The following UBE2Z variants were observed in gnomAD, a reference collection of about 807,000 sequenced individuals.
UBE2Z encodes ubiquitin conjugating enzyme E2 Z.
A neutral mutation model predicts 32.6 loss-of-function variants in UBE2Z; 10 were observed. That is an observed-to-expected ratio of 0.31 (90% CI 0.19 to 0.52). The LOEUF is 0.52. Among genes scored for constraint, UBE2Z ranks in the 20% least tolerant of loss-of-function variants. UBE2Z has a pLI of 0.97. For synonymous variants in UBE2Z, 183 were observed against 190.8 expected, an observed-to-expected ratio of 0.96 and a Z score of 0.34; for missense variants, 343 against 480.9, an observed-to-expected ratio of 0.71 and a Z score of 2.68.
In UBE2Z at chr17:48,908,672, G is replaced by A. The variant is rs1266226196; in HGVS notation, c.169G>A (p.Gly57Ser). The change falls in exon 1 of 7, where the codon GGC (glycine) becomes AGC (serine). Residue 57 changes from glycine (G) to serine (S), a missense_variant. Gly to Ser is a moderately conservative substitution (Grantham distance 56). Coordinates refer to ENST00000360943, the MANE Select transcript of UBE2Z (RefSeq NM_023079.5). ...GGCGGCGGCAGCGGGCGGGGCCGGG[G>A]GCCCGGGGAGCGGCCTGGCTCCGCT... is the stretch of plus-strand genomic sequence containing the variant. ...AAAAAAGGAG[G>S]PGSGLAPLPG... 4.9e-6 allele frequency: 6 copies of A among 1,225,554 alleles called. No individual in the cohort carries two copies. The highest frequency in any genetic ancestry group is 6.1e-6 in the Non-Finnish European group (6 of 983,824). 75.9% of individuals were successfully genotyped at this position (1,225,554 alleles called of 1,614,324 possible).
chr17:48,913,881 T>G (rs2040699957), intron 3 of UBE2Z, among the ~76,000 whole-genome samples: 1 of 151,642 alleles, frequency 6.6e-6, no homozygotes, highest in African/African-American at 2.4e-5. Flanking sequence ...CATTTTTGTT[T>G]TGTTTTGTTT....
chr17:48,908,845 A>G, intron 1 of UBE2Z, 25 bp downstream of exon 1: 1 of 1,456,026 alleles, frequency 6.9e-7, no homozygotes, highest in Non-Finnish European at 9.1e-7. Flanking sequence ...TTCCTCCCCC[A>G]GCCCCGAGCT....
chr17:48,916,226 T>A (rs192389464), intron 4 of UBE2Z, 39 bp downstream of exon 4: 8 of 1,196,844 alleles, frequency 6.7e-6, no homozygotes, highest in African/African-American at 1.6e-5. Context: ...TGTAGACTAT[T>A]GTTTTTGTTT....
intron 4 of UBE2Z, 89 bp from the exon 5 acceptor site, chr17:48,921,071 G>T: frequency 9.7e-7 from 1 of 1,032,102 alleles, no homozygotes; most frequent in Non-Finnish European, 1.5e-6. Flanking sequence ...GTGACTGGCT[G>T]ACATACCCCA....
intron 4 of UBE2Z, among the ~76,000 whole-genome samples, chr17:48,919,140 C>A (rs185040069): frequency 1.5e-3 from 227 of 151,992 alleles, no homozygotes; most frequent in Middle Eastern, 3.4e-3. Flanking sequence ...CACACACCAC[C>A]ACACCCAGCT....
At chr17:48,911,659 C>T (rs2040678616) in intron 2 of UBE2Z, 1 of 151,816 alleles carries the variant, frequency 6.6e-6, no homozygotes, top group African/African-American at 2.4e-5. Flanking sequence ...AATAGATTTC[C>T]CTTCATATTT....
At chr17:48,909,918 G>A (rs2040663576) in intron 1 of UBE2Z, among the ~76,000 whole-genome samples, 1 of 152,172 alleles carries the variant, frequency 6.6e-6, no homozygotes, top group African/African-American at 2.4e-5. Context: ...GCCTGACACA[G>A]GAGGTCAACT....
In UBE2Z at chr17:48,911,134, G is replaced by A. The variant is rs2040673916; in HGVS notation, c.390+254G>A. On this transcript the variant is annotated intron_variant, in intron 2 of 6. Coordinates refer to ENST00000360943, the MANE Select transcript of UBE2Z (RefSeq NM_023079.5). Reference sequence around the variant, plus strand: ...CAGTTCATGTCTGTTGTCGCAGCTTGACTATTTATAGGGCATTCTTTCACT... The same window carrying A: ...CAGTTCATGTCTGTTGTCGCAGCTTAACTATTTATAGGGCATTCTTTCACT... 6.1e-6 allele frequency: 3 copies of A among 488,644 alleles called. No individual in the cohort carries two copies. The South Asian group carries it at 8.0e-5, about 13-fold the overall frequency. The allele number at this position is 488,644 out of a possible 1,614,324, so 30.3% of individuals were successfully genotyped here.
At chr17:48,913,903 G>A (rs1383334879) in intron 3 of UBE2Z, among the ~76,000 whole-genome samples, 1 of 152,074 alleles carries the variant, frequency 6.6e-6, no homozygotes, top group Admixed American at 6.6e-5. Context: ...TTTTTGTTTT[G>A]TTTTGTTTTG....
At chr17:48,916,040 C>G (rs2040717173) in intron 3 of UBE2Z, 36 bp from the exon 4 acceptor site, 5 of 1,478,424 alleles carry the variant, frequency 3.4e-6, no homozygotes, top group Non-Finnish European at 4.6e-6. Context: ...TATTCTTTCT[C>G]TGCCTCACCC....
chr17:48,909,753 C>G (rs1039322003), intron 1 of UBE2Z, among the ~76,000 whole-genome samples: 1 of 152,062 alleles, frequency 6.6e-6, no homozygotes, highest in African/African-American at 2.4e-5. Context: ...AGCTATTAAT[C>G]CTGAAACCTG....
Position 48,916,156 on chromosome 17 carries a change from A to T in UBE2Z, c.659A>T (p.Asn220Ile). The change falls in exon 4 of 7, where the codon AAC (asparagine) becomes ATC (isoleucine). Residue 220 changes from asparagine (N) to isoleucine (I), a missense_variant. This residue lies in a region of UBE2Z where 182 missense variants were observed against 312.4 expected (regional missense o/e 0.58). Transcript: ENST00000360943. The part of the protein sequence containing the change: ...LISIQSLMTE[N>I]PYHNEPGFEQ... Reference sequence around the variant, plus strand: ...TCTATCCAGTCCCTGATGACTGAGAACCCCTATCACAATGAGCCCGGCTTT... The same window carrying T: ...TCTATCCAGTCCCTGATGACTGAGATCCCCTATCACAATGAGCCCGGCTTT... 1 of 1,579,814 alleles carries T rather than the reference A, an allele frequency of 6.3e-7. No homozygotes were observed. The highest frequency in any genetic ancestry group is 1.2e-5 in the South Asian group (1 of 85,684).
intron 4 of UBE2Z, among the ~76,000 whole-genome samples, chr17:48,916,586 T>TGTTTTGTTTTG (rs1555580158): frequency 6.7e-6 from 1 of 148,930 alleles, no homozygotes; most frequent in Non-Finnish European, 1.5e-5. Flanking sequence ...TGGGAGGTTT[T>TGTTTTGTTTTG]TTTTGTTTTG....
At chr17:48,916,238 TTTGG>T in intron 4 of UBE2Z, 51 bp downstream of exon 4, 3 of 1,053,760 alleles carry the variant, frequency 2.8e-6, no homozygotes, top group Non-Finnish European at 4.0e-6. Context: ...TTTTTGTTTG[TTTGG>T]TTGGTTGGTT....
chr17:48,916,774 G>A (rs1462059568), intron 4 of UBE2Z, among the ~76,000 whole-genome samples: 1 of 143,550 alleles, frequency 7.0e-6, no homozygotes, highest in East Asian at 2.2e-4. Context: ...ATCACCTGAG[G>A]TCAGGAGTTT....
chr17:48,909,882 A>G (rs1239383957), intron 1 of UBE2Z, among the ~76,000 whole-genome samples: 2 of 152,042 alleles, frequency 1.3e-5, no homozygotes, highest in East Asian at 3.9e-4. Context: ...AAATTAATAT[A>G]ATGTGTGTAA....
At position 48,911,654 on chromosome 17, in the gene UBE2Z, A is replaced by C. The variant is rs531109023; in HGVS notation, c.390+774A>C. On this transcript the variant is annotated intron_variant, in intron 2 of 6. Coordinates refer to ENST00000360943, the MANE Select transcript of UBE2Z (RefSeq NM_023079.5). ...TATCTTTTTTTGTTGTTTTGAATAG[A>C]TTTCCCTTCATATTTTTTTTTTATG... is the stretch of plus-strand genomic sequence containing the variant. The C allele has an allele frequency of 4.6e-5, 7 of 152,154 alleles. No homozygotes were observed. In the East Asian group the frequency reaches 1.4e-3, roughly 29 times the overall value. 9.4% of individuals were successfully genotyped at this position (152,154 alleles called of 1,614,324 possible).
chr17:48,917,958 CAG>C (rs1460617434), intron 4 of UBE2Z, among the ~76,000 whole-genome samples: 1 of 152,092 alleles, frequency 6.6e-6, no homozygotes, highest in Admixed American at 6.6e-5. Context: ...TTTTTTGAGA[CAG>C]AGTTTCACTA....
intron 6 of UBE2Z, among the ~76,000 whole-genome samples, chr17:48,924,610 C>T (rs1489920492): frequency 1.3e-5 from 2 of 152,092 alleles, no homozygotes; most frequent in African/African-American, 4.8e-5. Flanking sequence ...CTTTGGGAGG[C>T]AGAGGTGGAC....
Sources: allele counts gnomAD v4.1 joint callset (sites outside exome capture counted in the v4.1 genomes callset), GRCh38; gene constraint gnomAD v4.1.1; regional missense constraint gnomAD v4.1.1; transcripts MANE v1.5; gene names NCBI Gene and HGNC (gene_info 2026-07-23, HGNC 2026-07-21).